ITGBL1: variants seen among roughly 807,000 people sequenced by gnomAD.
ITGBL1 encodes the protein integrin subunit beta like 1.
A neutral mutation model predicts 68.5 loss-of-function variants in ITGBL1; 51 were observed. That is an observed-to-expected ratio of 0.74 (90% CI 0.59 to 0.94). The LOEUF is 0.94. Among genes scored for constraint, ITGBL1 ranks in the 40% least tolerant of loss-of-function variants. The pLI is 0.00. For synonymous variants in ITGBL1, 209 were observed against 227.3 expected, an observed-to-expected ratio of 0.92 and a Z score of 0.72; for missense variants, 649 against 647.4, an observed-to-expected ratio of 1.00 and a Z score of -0.03.
chr13:101,499,226 A>T (rs2048903399), intron 2 of ITGBL1, among the ~76,000 whole-genome samples: 1 of 151,994 alleles, frequency 6.6e-6, no homozygotes, highest in Non-Finnish European at 1.5e-5. Context: ...GCAGCTTCAG[A>T]CTCCTGCATT....
At chr13:101,661,899 G>A (rs1002405744) in intron 7 of ITGBL1, among the ~76,000 whole-genome samples, 1 of 152,172 alleles carries the variant, frequency 6.6e-6, no homozygotes, top group African/African-American at 2.4e-5. Flanking sequence ...AATTAATGCA[G>A]TGACTCATTA....
chr13:101,634,295 C>G (rs535755969), intron 7 of ITGBL1, among the ~76,000 whole-genome samples: 1 of 152,176 alleles, frequency 6.6e-6, no homozygotes, highest in South Asian at 2.1e-4. Context: ...ATGATAGACT[C>G]CAATGGGGAG....
At position 101,614,142 on chromosome 13, in the gene ITGBL1, G is replaced by T. The variant is rs372137534; in HGVS notation, c.1015+15843G>T. Among the ~76,000 whole-genome samples, 8 of 152,132 alleles carry T rather than the reference G, an allele frequency of 5.3e-5. 1 individual carries two copies. Among genetic ancestry groups the T allele is most frequent in the Admixed American group, 3.3e-4 (5 of 15,260 alleles). ...ACCACCTTAGGCACGTTTGAATACC[G>T]GCAGCATACAGGACAATGATTATTT... On this transcript the variant is annotated intron_variant, in intron 7 of 10. Transcript: ENST00000376180.
intron 6 of ITGBL1, among the ~76,000 whole-genome samples, chr13:101,590,904 C>G (rs1594910350): frequency 6.6e-6 from 1 of 151,996 alleles, no homozygotes; most frequent in African/African-American, 2.4e-5. Context: ...ATAGGAACTT[C>G]TTTGTTTTGT....
At chr13:101,615,579 G>A (rs1238654073) in intron 7 of ITGBL1, among the ~76,000 whole-genome samples, 2 of 152,154 alleles carry the variant, frequency 1.3e-5, no homozygotes, top group East Asian at 3.9e-4. Flanking sequence ...GGGTCTTTGG[G>A]AGGTGATTAG....
At chr13:101,694,708 C>A (rs2033964254) in intron 8 of ITGBL1, among the ~76,000 whole-genome samples, 1 of 152,142 alleles carries the variant, frequency 6.6e-6, no homozygotes, top group Non-Finnish European at 1.5e-5. Flanking sequence ...AGGTGTGAGC[C>A]ACTGAGCCTG....
intron 2 of ITGBL1, among the ~76,000 whole-genome samples, chr13:101,542,654 G>C (rs1271953544): frequency 1.3e-5 from 2 of 151,944 alleles, no homozygotes; most frequent in Non-Finnish European, 2.9e-5. Flanking sequence ...TTGACAGTGG[G>C]GTATTAAAAT....
chr13:101,621,189 C>T (rs2031567760), intron 7 of ITGBL1, among the ~76,000 whole-genome samples: 1 of 152,154 alleles, frequency 6.6e-6, no homozygotes, highest in South Asian at 2.1e-4. Flanking sequence ...AGGAAAATAT[C>T]TGTTTGAATA....
chr13:101,720,162 A>AATAC (rs1251554802), downstream of ITGBL1: 2 of 152,130 alleles, frequency 1.3e-5, no homozygotes, highest in African/African-American at 4.8e-5. Flanking sequence ...GCAAATTAGC[A>AATAC]ATACATACCA....
chr13:101,659,618 C>T (rs1417287181), intron 7 of ITGBL1, among the ~76,000 whole-genome samples: 1 of 152,092 alleles, frequency 6.6e-6, no homozygotes, highest in East Asian at 1.9e-4. Flanking sequence ...TGTGCCACCG[C>T]ACCTGGCTAA....
chr13:101,465,013 T>C (rs9585705), intron 2 of ITGBL1, among the ~76,000 whole-genome samples: 5,150 of 152,284 alleles, frequency 0.034, 293 homozygotes, highest in African/African-American at 0.12. Flanking sequence ...ATGAATGCCA[T>C]GAAAACAATG....
At position 101,667,657 on chromosome 13, in the gene ITGBL1, A is replaced by G. The variant is rs577410235; in HGVS notation, c.1016-24928A>G. Among the ~76,000 whole-genome samples, 7 of 152,210 alleles carry G rather than the reference A, an allele frequency of 4.6e-5. 1 individual carries two copies. Among genetic ancestry groups the G allele is most frequent in the African/African-American group, 1.7e-4 (7 of 41,572 alleles). ...GTGTCAGAAACTGAATTTAGATTCA[A>G]TTGTCCTTTTATAAACCATTGAGTT... On this transcript the variant is annotated intron_variant, in intron 7 of 10. Transcript: ENST00000376180.
chr13:101,577,037 T>G (rs2050374397), intron 4 of ITGBL1, among the ~76,000 whole-genome samples: 1 of 152,016 alleles, frequency 6.6e-6, no homozygotes, highest in Non-Finnish European at 1.5e-5. Flanking sequence ...TCTATTTGCA[T>G]GTATCAATAG....
intron 2 of ITGBL1, among the ~76,000 whole-genome samples, chr13:101,544,686 C>T (rs1254583675): frequency 6.6e-5 from 10 of 152,184 alleles, no homozygotes; most frequent in Admixed American, 3.9e-4. Flanking sequence ...CCTCCTTGAG[C>T]TGCGGTGGGC....
At chr13:101,480,710 A>AT (rs981917876) in intron 2 of ITGBL1, among the ~76,000 whole-genome samples, 5 of 152,030 alleles carry the variant, frequency 3.3e-5, no homozygotes, top group African/African-American at 1.2e-4. Flanking sequence ...AAATCATATG[A>AT]TTTTGTCCTT....
intron 2 of ITGBL1, among the ~76,000 whole-genome samples, chr13:101,539,273 A>G (rs2049641738): frequency 7.1e-6 from 1 of 140,560 alleles, no homozygotes; most frequent in African/African-American, 2.7e-5. Context: ...TCATTGTTCA[A>G]TTCCCACCTG....
At chr13:101,699,562 ACTT>A (rs896955370) in intron 8 of ITGBL1, among the ~76,000 whole-genome samples, 7 of 152,102 alleles carry the variant, frequency 4.6e-5, no homozygotes, top group Non-Finnish European at 8.8e-5. Flanking sequence ...CGACTCTCAT[ACTT>A]CTTCTTCCTG....
intron 2 of ITGBL1, among the ~76,000 whole-genome samples, chr13:101,532,417 A>G (rs1452758008): frequency 6.6e-6 from 1 of 152,152 alleles, no homozygotes; most frequent in Admixed American, 6.6e-5. Flanking sequence ...TTCCAAATAT[A>G]TGTTAATATA....
chr13:101,641,433 A>G (rs2032363504), intron 7 of ITGBL1, among the ~76,000 whole-genome samples: 1 of 151,452 alleles, frequency 6.6e-6, no homozygotes, highest in African/African-American at 2.4e-5. Flanking sequence ...AGTCTCTCTG[A>G]TTTTTTGATT....
Sources: allele counts gnomAD v4.1 joint callset (sites outside exome capture counted in the v4.1 genomes callset), GRCh38; gene constraint gnomAD v4.1.1; transcripts MANE v1.5; gene names NCBI Gene and HGNC (gene_info 2026-07-23, HGNC 2026-07-21).